The following KDM4C variants were observed in gnomAD, a reference collection of about 807,000 sequenced individuals.
The protein encoded by KDM4C is lysine demethylase 4C.
Under a neutral mutation model 129.3 loss-of-function variants are expected in KDM4C, and 81 were observed. The observed-to-expected ratio is 0.63, with a 90% CI of 0.52 to 0.75. KDM4C has a LOEUF of 0.75. KDM4C is among the 30% of genes least tolerant of loss of function. The probability of loss-of-function intolerance (pLI) is 0.00; values close to 1 mark genes in which losing one functional copy is unlikely to be tolerated. For missense variants in KDM4C, 1,457 were observed against 1,304.0 expected (o/e 1.12, Z -1.81); for synonymous variants, 573 against 456.1 (o/e 1.26, Z -3.26).
intron 8 of KDM4C, chr9:6,925,802 G>T: frequency 3.7e-6 from 1 of 270,212 alleles, no homozygotes; most frequent in Non-Finnish European, 5.7e-6. Flanking sequence ...TTTGTTTTTG[G>T]TTTTGTGGTA....
intron 4 of KDM4C, among the ~76,000 whole-genome samples, chr9:6,824,506 C>G (rs1299272201): frequency 1.3e-5 from 2 of 152,078 alleles, no homozygotes; most frequent in Non-Finnish European, 2.9e-5. Flanking sequence ...AAACTTTCAT[C>G]TTAAGGCCCT....
intron 17 of KDM4C, 108 bp from the exon 18 acceptor site, chr9:7,103,577 G>GTTTT: frequency 1.2e-6 from 1 of 830,178 alleles, no homozygotes. Context: ...GATGTAATCA[G>GTTTT]TTGTTTTTTT....
intron 2 of KDM4C, among the ~76,000 whole-genome samples, chr9:6,797,283 G>T (rs1355170659): frequency 6.6e-6 from 1 of 152,070 alleles, no homozygotes; most frequent in African/African-American, 2.4e-5. Flanking sequence ...CACTGTGCCT[G>T]GCCCGTTAAT....
intron 4 of KDM4C, among the ~76,000 whole-genome samples, chr9:6,845,321 C>A (rs1413950264): frequency 6.6e-6 from 1 of 152,098 alleles, no homozygotes; most frequent in Non-Finnish European, 1.5e-5. Context: ...CTCAATTGAT[C>A]CTCCCATCTC....
At chr9:6,745,483 G>C (rs1005532731) in intron 1 of KDM4C, among the ~76,000 whole-genome samples, 14 of 150,468 alleles carry the variant, frequency 9.3e-5, no homozygotes, top group African/African-American at 3.4e-4. Context: ...TGTAGTCCCA[G>C]CTACTTGGGA....
chr9:6,840,456 G>C (rs575834557), intron 4 of KDM4C, among the ~76,000 whole-genome samples: 1 of 151,912 alleles, frequency 6.6e-6, no homozygotes. Context: ...GAGTGCAGTG[G>C]TGGGATCTTG....
At chr9:7,114,690 G>C (rs1838697909) in intron 18 of KDM4C, among the ~76,000 whole-genome samples, 1 of 152,150 alleles carries the variant, frequency 6.6e-6, no homozygotes, top group South Asian at 2.1e-4. Context: ...GAATGCTTAG[G>C]TGAAACTTGT....
chr9:7,113,376 C>T (rs1838549256), intron 18 of KDM4C, among the ~76,000 whole-genome samples: 1 of 152,214 alleles, frequency 6.6e-6, no homozygotes. Flanking sequence ...CTCTTATTCA[C>T]ATTATCAGGT....
chr9:6,973,266 C>A (rs1832312610), intron 8 of KDM4C, among the ~76,000 whole-genome samples: 1 of 152,166 alleles, frequency 6.6e-6, no homozygotes, highest in South Asian at 2.1e-4. Flanking sequence ...TGCTCTTGAA[C>A]TTCTGGCCTC....
At chr9:6,894,092 C>T (rs2130907337) in intron 8 of KDM4C, among the ~76,000 whole-genome samples, 1 of 152,326 alleles carries the variant, frequency 6.6e-6, no homozygotes, top group South Asian at 2.1e-4. Flanking sequence ...AACTGAATAT[C>T]ATTCATTCTA....
chr9:7,024,288 C>CTTT (rs1825400366), intron 15 of KDM4C, among the ~76,000 whole-genome samples: 1 of 75,260 alleles, frequency 1.3e-5, no homozygotes, highest in Non-Finnish European at 2.8e-5. Flanking sequence ...CTAATGTTTT[C>CTTT]GTTTTTTTTT....
At chr9:6,926,066 C>T (rs1822450597) in intron 8 of KDM4C, among the ~76,000 whole-genome samples, 1 of 152,096 alleles carries the variant, frequency 6.6e-6, no homozygotes, top group Non-Finnish European at 1.5e-5. Context: ...TCAGTGAACT[C>T]AGTTAAGAAA....
At chr9:6,860,445 G>A (rs1007559830) in intron 5 of KDM4C, among the ~76,000 whole-genome samples, 26 of 152,160 alleles carry the variant, frequency 1.7e-4, no homozygotes, top group African/African-American at 5.8e-4. Flanking sequence ...ACAGAAGCTA[G>A]TCAGTCCTTG....
chr9:6,988,310 G>T (rs544467379), intron 11 of KDM4C, among the ~76,000 whole-genome samples: 1 of 152,042 alleles, frequency 6.6e-6, no homozygotes, highest in East Asian at 1.9e-4. Context: ...CTTTAAAGTA[G>T]AATGGAGCTG....
intron 4 of KDM4C, among the ~76,000 whole-genome samples, chr9:6,830,386 C>T (rs1834615369): frequency 6.6e-6 from 1 of 152,166 alleles, no homozygotes; most frequent in African/African-American, 2.4e-5. Flanking sequence ...TCCCACACCC[C>T]AGCATCCTAG....
At position 6,813,103 on chromosome 9, in the gene KDM4C, A is replaced by C. The variant is rs151012453; in HGVS notation, c.321-1528A>C. Among the ~76,000 whole-genome samples the C allele has an allele frequency of 2.2e-3, 330 of 152,234 alleles. 7 individuals are homozygous for C. The East Asian group carries it at 0.044, about 20-fold the overall frequency. ...GGCAGGAGAATCCCTTGAACCTGGGAGGCGGAGGTTTCAGTGAGCCGAGAT... is the reference window on the plus strand; with the variant it reads ...GGCAGGAGAATCCCTTGAACCTGGGCGGCGGAGGTTTCAGTGAGCCGAGAT... On this transcript the variant is annotated intron_variant, in intron 3 of 21. Transcript: ENST00000381309.
intron 8 of KDM4C, among the ~76,000 whole-genome samples, chr9:6,918,219 G>A (rs533417188): frequency 1.3e-5 from 2 of 152,222 alleles, no homozygotes; most frequent in East Asian, 3.9e-4. Flanking sequence ...TCCCATCTTT[G>A]TGTCAATGTG....
At chr9:6,880,296 G>A (rs116995769) in intron 6 of KDM4C, among the ~76,000 whole-genome samples, 1 of 151,918 alleles carries the variant, frequency 6.6e-6, no homozygotes, top group African/African-American at 2.4e-5. Context: ...TTAGTTGACT[G>A]TTTAGTATTT....
intron 8 of KDM4C, among the ~76,000 whole-genome samples, chr9:6,894,796 G>A (rs1221582717): frequency 2.6e-5 from 4 of 152,222 alleles, no homozygotes; most frequent in Non-Finnish European, 4.4e-5. Flanking sequence ...TTGTGGGAAT[G>A]TGAAGTGTTG....
Sources: allele counts gnomAD v4.1 joint callset (sites outside exome capture counted in the v4.1 genomes callset), GRCh38; gene constraint gnomAD v4.1.1; transcripts MANE v1.5; gene names NCBI Gene and HGNC (gene_info 2026-07-23, HGNC 2026-07-21).